Variants in PCDHAC1 observed in about 807,000 individuals in gnomAD.
The protein encoded by PCDHAC1 is protocadherin alpha subfamily C, 1.
Under a neutral mutation model 60.0 loss-of-function variants are expected in PCDHAC1, and 42 were observed. The ratio of observed to expected loss-of-function variants is 0.70; its 90% CI spans 0.55 to 0.90. The LOEUF (loss-of-function observed/expected upper bound fraction) is 0.90, where lower values mean the gene tolerates loss of function less well. Ranked by LOEUF, PCDHAC1 falls within the 40% of genes least tolerant of loss-of-function variation. The pLI is 0.00. For missense variants in PCDHAC1, 1,160 were observed against 1,222.3 expected, an observed-to-expected ratio of 0.95 and a Z score of 0.76; for synonymous variants, 468 against 499.3, an observed-to-expected ratio of 0.94 and a Z score of 0.84.
chr5:140,968,185 C>T (rs1554230464), intron 1 of PCDHAC1: 1 of 1,614,034 alleles, frequency 6.2e-7, no homozygotes, highest in East Asian at 2.2e-5. Context: ...TGGAGGACTC[C>T]TATTCCATCT....
rs2093245729 is a variant in PCDHAC1 at position 140,942,201 on chromosome 5, G to A, written c.2433+12876G>A. Among the ~76,000 whole-genome samples, 3 of 151,938 alleles carry A rather than the reference G, an allele frequency of 2.0e-5. No individual in the cohort carries two copies. The South Asian group carries it at 6.2e-4, about 32-fold the overall frequency. On this transcript the variant is annotated intron_variant, in intron 1 of 3. Coordinates refer to ENST00000253807, the MANE Select transcript of PCDHAC1 (RefSeq NM_018898.5). Reference sequence around the variant, plus strand: ...GACATTTTATTTAAAATACATTTTTGAGCATAAGATATTTAAAATGTGTAG... The same window carrying A: ...GACATTTTATTTAAAATACATTTTTAAGCATAAGATATTTAAAATGTGTAG...
At chr5:140,951,988 A>C (rs2094668820) in intron 1 of PCDHAC1, among the ~76,000 whole-genome samples, 1 of 152,226 alleles carries the variant, frequency 6.6e-6, no homozygotes, top group African/African-American at 2.4e-5. Context: ...GGGAAAAACC[A>C]GCCAAAAGAA....
At chr5:140,942,663 A>G (rs2153659608) in intron 1 of PCDHAC1, among the ~76,000 whole-genome samples, 1 of 152,294 alleles carries the variant, frequency 6.6e-6, no homozygotes, top group African/African-American at 2.4e-5. Context: ...AAAAGCAATA[A>G]GCACAAAAGT....
In PCDHAC1 at chr5:140,928,927, G is replaced by T. The variant is rs1359556123; in HGVS notation, c.2035G>T (p.Ala679Ser). Reference protein sequence around the residue: ...DVWEPGGQLSAQNLYLVIALA... With the variant: ...DVWEPGGQLSSQNLYLVIALA... Reference sequence around the variant, plus strand: ...CTGGGAACCAGGAGGGCAGCTTTCTGCCCAGAACTTGTATTTAGTAATTGC... The same window carrying T: ...CTGGGAACCAGGAGGGCAGCTTTCTTCCCAGAACTTGTATTTAGTAATTGC... The change falls in exon 1 of 4, where the codon GCC (alanine) becomes TCC (serine). Residue 679 changes from alanine to serine, a missense_variant. Ala to Ser is a moderately conservative substitution (Grantham distance 99). Coordinates refer to ENST00000253807, the MANE Select transcript of PCDHAC1 (RefSeq NM_018898.5). 1 of 1,613,982 alleles carries T rather than the reference G, an allele frequency of 6.2e-7. No homozygotes were observed. The highest frequency in any genetic ancestry group is 8.5e-7 in the Non-Finnish European group (1 of 1,180,028).
intron 2 of PCDHAC1, 26 bp downstream of exon 2, chr5:140,979,033 C>G: frequency 6.2e-7 from 1 of 1,613,044 alleles, no homozygotes; most frequent in Admixed American, 1.7e-5. Flanking sequence ...CTCATTCACT[C>G]AGAAGTAACC....
intron 3 of PCDHAC1, among the ~76,000 whole-genome samples, chr5:141,007,422 G>C (rs190866782): frequency 7.0e-6 from 1 of 143,592 alleles, no homozygotes; most frequent in Non-Finnish European, 1.5e-5. Flanking sequence ...AAAAAAATTA[G>C]CCAGGCATGG....
chr5:140,973,329 G>A (rs1303671094), intron 1 of PCDHAC1, among the ~76,000 whole-genome samples: 6 of 152,112 alleles, frequency 3.9e-5, no homozygotes, highest in Non-Finnish European at 7.3e-5. Flanking sequence ...GTTTACACTC[G>A]TTGTAAAGTG....
intron 1 of PCDHAC1, among the ~76,000 whole-genome samples, chr5:140,953,746 A>G (rs2094931124): frequency 6.6e-6 from 1 of 152,016 alleles, no homozygotes; most frequent in African/African-American, 2.4e-5. Context: ...TTAACATTAC[A>G]TTTATCCAAG....
At chr5:140,952,161 G>A (rs1002170545) in intron 1 of PCDHAC1, among the ~76,000 whole-genome samples, 1 of 152,046 alleles carries the variant, frequency 6.6e-6, no homozygotes, top group Non-Finnish European at 1.5e-5. Flanking sequence ...GCTTTGTGGG[G>A]TTCAGTTCCT....
chr5:141,009,258 C>A (rs1311772308), intron 3 of PCDHAC1, among the ~76,000 whole-genome samples: 1 of 152,086 alleles, frequency 6.6e-6, no homozygotes, highest in Admixed American at 6.6e-5. Flanking sequence ...TGTTTGAGAC[C>A]AGCCTGGGCA....
chr5:140,962,269 T>A (rs1554225906), intron 1 of PCDHAC1, among the ~76,000 whole-genome samples: 1 of 152,194 alleles, frequency 6.6e-6, no homozygotes, highest in Non-Finnish European at 1.5e-5. Flanking sequence ...TTTTATAATT[T>A]AAAAAACCTC....
rs575381539 is a variant in PCDHAC1, at chr5:140,952,919, T to TGAGCAG, written c.2433+23606_2433+23611dup. On this transcript the variant is annotated intron_variant, in intron 1 of 3. Coordinates refer to ENST00000253807, the MANE Select transcript of PCDHAC1 (RefSeq NM_018898.5). ...GGAATCAAGCTCATCTTACATGGCA[T>TGAGCAG]GAGCAGGAGCAGGAGCAAGAGAGAG... 2.3e-3 allele frequency among the ~76,000 whole-genome samples: 343 copies of TGAGCAG among 152,172 alleles called. 1 individual carries two copies. Among genetic ancestry groups the TGAGCAG allele is most frequent in the African/African-American group, 7.9e-3 (326 of 41,516 alleles).
At position 140,961,643 on chromosome 5, in the gene PCDHAC1, A is replaced by G. The variant is rs533824470; in HGVS notation, c.2434-17306A>G. Reference sequence around the variant, plus strand: ...CCATATGAAAAACAATCTTAAGTCTATGTGGTTAGTTTGAAGTTACCAGTT... The same window carrying G: ...CCATATGAAAAACAATCTTAAGTCTGTGTGGTTAGTTTGAAGTTACCAGTT... On this transcript the variant is annotated intron_variant, in intron 1 of 3. Coordinates refer to ENST00000253807, the MANE Select transcript of PCDHAC1 (RefSeq NM_018898.5). Among the ~76,000 whole-genome samples the G allele has an allele frequency of 7.2e-5, 11 of 152,324 alleles. No homozygotes were observed. The East Asian group carries it at 1.9e-3, about 27-fold the overall frequency.
At chr5:140,940,599 C>T (rs1356432549) in intron 1 of PCDHAC1, among the ~76,000 whole-genome samples, 2 of 151,918 alleles carry the variant, frequency 1.3e-5, no homozygotes, top group African/African-American at 4.8e-5. Context: ...AGGCATGAGC[C>T]GCTGCTCCTG....
rs1584463033 is a variant in PCDHAC1, at chr5:140,926,798, C to T, written c.-95C>T. The T allele has an allele frequency of 1.4e-6, 2 of 1,455,342 alleles. No homozygotes were observed. Among genetic ancestry groups the T allele is most frequent in the East Asian group, 2.5e-5 (1 of 40,738 alleles). The allele number at this position is 1,455,342 out of a possible 1,614,324, so 90.2% of individuals were successfully genotyped here. A position where few individuals can be genotyped will look rare whatever the true frequency, so the allele number is the denominator to read the frequency against. The stretch of plus-strand genomic sequence containing the variant: ...CAGTGACGGCCGGCAGGAGCGTGCT[C>T]TTCCCCGCGGCTCGTGCTCTCCAGG... On this transcript the variant is annotated 5_prime_UTR_variant, in exon 1 of 4. Transcript: ENST00000253807.
chr5:140,964,099 C>T (rs2095809950), intron 1 of PCDHAC1, among the ~76,000 whole-genome samples: 1 of 152,142 alleles, frequency 6.6e-6, no homozygotes, highest in South Asian at 2.1e-4. Flanking sequence ...TAATTAACAA[C>T]AGTCTGAGCA....
intron 3 of PCDHAC1, among the ~76,000 whole-genome samples, chr5:140,995,811 G>A (rs949931541): frequency 6.6e-6 from 1 of 152,240 alleles, no homozygotes; most frequent in South Asian, 2.1e-4. Context: ...GTTTCTGAAG[G>A]GAGATAGCCT....
intron 3 of PCDHAC1, among the ~76,000 whole-genome samples, chr5:141,003,892 C>T (rs1401621234): frequency 6.6e-6 from 1 of 152,124 alleles, no homozygotes; most frequent in South Asian, 2.1e-4. Context: ...TCTTAACAGG[C>T]CCATTCATTT....
intron 1 of PCDHAC1, among the ~76,000 whole-genome samples, chr5:140,953,351 C>G (rs1007094673): frequency 3.3e-5 from 5 of 152,122 alleles, no homozygotes; most frequent in Non-Finnish European, 5.9e-5. Context: ...TTCTTTTGTT[C>G]TGTGCACTCA....
Sources: allele counts gnomAD v4.1 joint callset (sites outside exome capture counted in the v4.1 genomes callset), GRCh38; gene constraint gnomAD v4.1.1; transcripts MANE v1.5; gene names NCBI Gene and HGNC (gene_info 2026-07-23, HGNC 2026-07-21).